The following MED9 variants were observed in gnomAD, a reference collection of about 807,000 sequenced individuals.
The protein encoded by MED9 is mediator of RNA polymerase II transcription subunit 9.
A neutral mutation model predicts 13.2 loss-of-function variants in MED9; 8 were observed. That is an observed-to-expected ratio of 0.61 (90% CI 0.36 to 1.10). The LOEUF is 1.10. Among genes scored for constraint, MED9 ranks in the 50% least tolerant of loss-of-function variants. The pLI, the probability that MED9 is intolerant of heterozygous loss-of-function variation, is 0.02. For missense variants in MED9, 180 were observed against 193.4 expected (o/e 0.93, Z 0.41); for synonymous variants, 87 against 82.8 (o/e 1.05, Z -0.28).
At position 17,493,110 on chromosome 17, in the gene MED9, A is replaced by C. The variant is rs1333777200; in HGVS notation, c.*1615A>C. The C allele has an allele frequency of 6.6e-6, 1 of 152,198 alleles. No homozygotes were observed. Among genetic ancestry groups the C allele is most frequent in the African/African-American group, 2.4e-5 (1 of 41,452 alleles). 9.4% of individuals were successfully genotyped at this position (152,198 alleles called of 1,614,324 possible). ...TTCTGAGTGCAAGGCTGAAATGGAC[A>C]AGGGCTCCTCACGGGGGTGGAGGGA... On this transcript the variant is annotated 3_prime_UTR_variant, in exon 2 of 2. Coordinates refer to ENST00000268711, the MANE Select transcript of MED9 (RefSeq NM_018019.3).
intron 1 of MED9, chr17:17,486,809 G>A (rs1905139696): frequency 6.5e-6 from 1 of 153,154 alleles, no homozygotes; most frequent in African/African-American, 2.4e-5. Context: ...GAAGCCAGCG[G>A]GGCTCCTGAG....
intron 1 of MED9, among the ~76,000 whole-genome samples, chr17:17,479,369 G>C (rs371031008): frequency 6.6e-6 from 1 of 152,192 alleles, no homozygotes; most frequent in Non-Finnish European, 1.5e-5. Context: ...AAGTAGCTTA[G>C]CTTCTCTGAG....
chr17:17,480,691 G>A (rs923396930), intron 1 of MED9, among the ~76,000 whole-genome samples: 10 of 152,052 alleles, frequency 6.6e-5, no homozygotes, highest in African/African-American at 2.4e-5. Context: ...GAGAGAGAGA[G>A]GAAAAAAGAG....
At chr17:17,478,612 C>G (rs1445966521) in intron 1 of MED9, among the ~76,000 whole-genome samples, 1 of 152,202 alleles carries the variant, frequency 6.6e-6, no homozygotes, top group African/African-American at 2.4e-5. Context: ...GTAATCCCAG[C>G]ACTTTGGGAG....
At position 17,492,539 on chromosome 17, in the gene MED9, A is replaced by T. The variant is rs1905258138; in HGVS notation, c.*1044A>T. On this transcript the variant is annotated 3_prime_UTR_variant, in exon 2 of 2. Transcript: ENST00000268711. The stretch of plus-strand genomic sequence containing the variant: ...TTACACAGCCAAGTTTGAGCTCTTA[A>T]AAGTTGATGAACAGCCTCATTTCCC... The T allele has an allele frequency of 6.6e-6, 1 of 152,238 alleles. No homozygotes were observed. The highest frequency in any genetic ancestry group is 1.5e-5 in the Non-Finnish European group (1 of 68,048). 9.4% of individuals were successfully genotyped at this position (152,238 alleles called of 1,614,324 possible).
At chr17:17,479,795 CCT>C (rs1904998142) in intron 1 of MED9, among the ~76,000 whole-genome samples, 1 of 151,940 alleles carries the variant, frequency 6.6e-6, no homozygotes, top group African/African-American at 2.4e-5. Flanking sequence ...AGAATGAGAC[CCT>C]GTGTCAAAAA....
intron 1 of MED9, chr17:17,486,446 A>AGCAGCCGGCCAGCTCT (rs1477064830): frequency 1.3e-5 from 2 of 152,826 alleles, no homozygotes; most frequent in Admixed American, 6.5e-5. Context: ...CCGCACTCGG[A>AGCAGCCGGCCAGCTCT]GCAGCCGGCC....
intron 1 of MED9, 66 bp downstream of exon 1, chr17:17,477,331 C>T: frequency 2.0e-6 from 3 of 1,478,326 alleles, no homozygotes; most frequent in South Asian, 1.4e-5. Context: ...CGTTTCAGAG[C>T]TGCAAGAGGC....
At chr17:17,485,219 A>G (rs996954101) in intron 1 of MED9, 1 of 391,994 alleles carries the variant, frequency 2.6e-6, no homozygotes. Flanking sequence ...TAGTAGAGAC[A>G]GGGTTTCGTC....
chr17:17,489,403 G>C (rs1905191763), intron 1 of MED9, among the ~76,000 whole-genome samples: 1 of 152,042 alleles, frequency 6.6e-6, no homozygotes, highest in Non-Finnish European at 1.5e-5. Flanking sequence ...TTCAAGAATG[G>C]GATTATCTGT....
rs1485819631 is a variant in MED9, at chr17:17,483,536, T to C, written c.224+6271T>C. On this transcript the variant is annotated intron_variant, in intron 1 of 1. Transcript: ENST00000268711. The surrounding 1 kb of genome is among the most constrained non-coding windows in gnomAD (Gnocchi z 4.2). ...CACCTGGTTCTGGGAGTGCTCTGGCTGGGACAGCCCTGCTTGGAGTTGGAA... is the reference window on the plus strand; with the variant it reads ...CACCTGGTTCTGGGAGTGCTCTGGCCGGGACAGCCCTGCTTGGAGTTGGAA... Among the ~76,000 whole-genome samples the C allele has an allele frequency of 6.6e-6, 1 of 152,256 alleles. No homozygotes were observed. The highest frequency in any genetic ancestry group is 2.4e-5 in the African/African-American group (1 of 41,460).
rs1406205118 is a variant in MED9, at chr17:17,491,545, C to T, written c.*50C>T. The T allele has an allele frequency of 6.6e-7, 1 of 1,506,438 alleles. No homozygotes were observed. The highest frequency in any genetic ancestry group is 1.7e-5 in the Admixed American group (1 of 59,442). The allele number at this position is 1,506,438 out of a possible 1,614,324, so 93.3% of individuals were successfully genotyped here. A position where few individuals can be genotyped will look rare whatever the true frequency, so the allele number is the denominator to read the frequency against. On this transcript the variant is annotated 3_prime_UTR_variant, in exon 2 of 2. Transcript: ENST00000268711. Reference sequence around the variant, plus strand: ...AGGGGGAAGCCAATGGCCTGTCTCCCCACTACCATCCCCAAACGCTCCTTG... The same window carrying T: ...AGGGGGAAGCCAATGGCCTGTCTCCTCACTACCATCCCCAAACGCTCCTTG...
At chr17:17,480,656 A>G (rs1169882644) in intron 1 of MED9, among the ~76,000 whole-genome samples, 1 of 152,130 alleles carries the variant, frequency 6.6e-6, no homozygotes, top group Non-Finnish European at 1.5e-5. Flanking sequence ...TGTCTCAAAG[A>G]AGAAAGAAAG....
Position 17,477,148 on chromosome 17 carries a change from C to T in MED9, c.107C>T (p.Pro36Leu). 6.2e-7 allele frequency: 1 copy of T among 1,608,760 alleles called. No individual in the cohort carries two copies. The highest frequency in any genetic ancestry group is 1.1e-5 in the South Asian group (1 of 90,598). ...AAGCCGCTGCCGCCTCCTCAGCCGC[C>T]GCCGGTCCCTGCGCCTCAACCGCAG... is the stretch of plus-strand genomic sequence containing the variant. ...DTKPLPPPQP[P>L]PVPAPQPQQS... The change falls in exon 1 of 2, where the codon CCG becomes CTG. Residue 36 changes from proline (P) to leucine (L), a missense_variant. Coordinates refer to ENST00000268711, the MANE Select transcript of MED9 (RefSeq NM_018019.3).
At chr17:17,480,336 A>G (rs1400285431) in intron 1 of MED9, among the ~76,000 whole-genome samples, 1 of 152,206 alleles carries the variant, frequency 6.6e-6, no homozygotes, top group African/African-American at 2.4e-5. Context: ...AATTAAGAGA[A>G]AAGACATTGG....
chr17:17,490,904 T>C (rs1044573351), intron 1 of MED9, among the ~76,000 whole-genome samples: 2 of 152,258 alleles, frequency 1.3e-5, no homozygotes, highest in African/African-American at 4.8e-5. Flanking sequence ...TGAGCTTATT[T>C]GCTAAGCATT....
In MED9 at chr17:17,491,819, C is replaced by T. The variant is rs553922053; in HGVS notation, c.*324C>T. The T allele has an allele frequency of 6.0e-4, 223 of 371,588 alleles. No homozygotes were observed. The highest frequency in any genetic ancestry group is 4.2e-3 in the African/African-American group (201 of 48,166). 23.0% of individuals were successfully genotyped at this position (371,588 alleles called of 1,614,324 possible). The stretch of plus-strand genomic sequence containing the variant: ...CCTCTGGGGAGGGGGCCATCTGCTG[C>T]GCCCGGCCCCACTGACAGATCTGAA... On this transcript the variant is annotated 3_prime_UTR_variant, in exon 2 of 2. Coordinates refer to ENST00000268711, the MANE Select transcript of MED9 (RefSeq NM_018019.3).
intron 1 of MED9, 96 bp downstream of exon 1, chr17:17,477,361 C>T (rs1310501633): frequency 2.5e-5 from 34 of 1,348,120 alleles, no homozygotes; most frequent in African/African-American, 1.6e-4. Flanking sequence ...CTGGGGCACG[C>T]CCCCGTTTCA....
Position 17,477,082 on chromosome 17 carries a change from A to T in MED9, c.41A>T (p.Asp14Val), listed in dbSNP as rs1207337976. 1.9e-6 allele frequency: 3 copies of T among 1,607,162 alleles called. No individual in the cohort carries two copies. The highest frequency in any genetic ancestry group is 2.7e-5 in the African/African-American group (2 of 74,876). Residue 14 changes from aspartate to valine, a missense_variant, in exon 1 of 2, where the codon GAT becomes GTT. Asp to Val is a radical substitution (Grantham distance 152). Coordinates refer to ENST00000268711, the MANE Select transcript of MED9 (RefSeq NM_018019.3). The part of the protein sequence containing the change: ...AGVAAGRQAE[D>V]VLPPTSDQPL... Reference sequence around the variant, plus strand: ...GTGGCAGCCGGGCGACAGGCGGAGGATGTATTGCCGCCAACGTCCGACCAG... The same window carrying T: ...GTGGCAGCCGGGCGACAGGCGGAGGTTGTATTGCCGCCAACGTCCGACCAG...
Sources: allele counts gnomAD v4.1 joint callset (sites outside exome capture counted in the v4.1 genomes callset), GRCh38; gene constraint gnomAD v4.1.1; non-coding constraint Gnocchi (gnomAD v3.1); transcripts MANE v1.5; gene names NCBI Gene and HGNC (gene_info 2026-07-23, HGNC 2026-07-21).